DLG2: variants seen among roughly 807,000 people sequenced by gnomAD.
DLG2 encodes disks large homolog 2.
Under a neutral mutation model 132.5 loss-of-function variants are expected in DLG2, and 45 were observed. That is an observed-to-expected ratio of 0.34 (90% CI 0.27 to 0.44). DLG2 has a LOEUF of 0.44. Among genes scored for constraint, DLG2 ranks in the 20% least tolerant of loss-of-function variants. The probability of loss-of-function intolerance (pLI) is 1.00; values close to 1 mark genes in which losing one functional copy is unlikely to be tolerated. For synonymous variants in DLG2, 424 were observed against 419.6 expected (o/e 1.01, Z -0.13); for missense variants, 1,045 against 1,196.9 (o/e 0.87, Z 1.87).
intron 12 of DLG2, among the ~76,000 whole-genome samples, chr11:83,976,463 A>T (rs1402254711): frequency 6.6e-6 from 1 of 151,892 alleles, no homozygotes; most frequent in Admixed American, 6.6e-5. Flanking sequence ...AGAGTAGAAG[A>T]GGGGGAAGAT....
intron 6 of DLG2, among the ~76,000 whole-genome samples, chr11:84,629,443 T>C (rs1176218125): frequency 6.6e-6 from 1 of 152,200 alleles, no homozygotes; most frequent in African/African-American, 2.4e-5. Flanking sequence ...TAGCAGCATC[T>C]CCAAGCTCTT....
chr11:84,428,607 C>T (rs759077544), intron 7 of DLG2, among the ~76,000 whole-genome samples: 10 of 152,156 alleles, frequency 6.6e-5, no homozygotes, highest in Non-Finnish European at 1.5e-4. Flanking sequence ...CTGTCTCTTC[C>T]GCTTCTTACA....
intron 3 of DLG2, among the ~76,000 whole-genome samples, chr11:85,552,095 G>GAAAAAAAAAAA (rs764172663): frequency 4.7e-5 from 3 of 64,226 alleles, no homozygotes; most frequent in Non-Finnish European, 6.8e-5. Context: ...GGACTTAAAA[G>GAAAAAAAAAAA]AAAAAAAAAA....
intron 19 of DLG2, among the ~76,000 whole-genome samples, chr11:83,556,982 G>A (rs1157871337): frequency 6.7e-6 from 1 of 150,004 alleles, no homozygotes; most frequent in Non-Finnish European, 1.5e-5. Flanking sequence ...ATGAAGCCAT[G>A]ACTGTGTTTT....
intron 18 of DLG2, among the ~76,000 whole-genome samples, chr11:83,778,346 G>C (rs958628728): frequency 6.6e-6 from 1 of 152,060 alleles, no homozygotes; most frequent in African/African-American, 2.4e-5. Flanking sequence ...GAATCTAAGA[G>C]GTCTCCTTGT....
intron 7 of DLG2, among the ~76,000 whole-genome samples, chr11:84,256,787 T>C (rs1013164493): frequency 5.3e-5 from 8 of 152,176 alleles, no homozygotes; most frequent in African/African-American, 1.7e-4. Context: ...CACTGAAAGT[T>C]TGAAAATGAG....
chr11:84,454,967 T>A (rs1602424311), intron 7 of DLG2, among the ~76,000 whole-genome samples: 1 of 151,542 alleles, frequency 6.6e-6, no homozygotes, highest in African/African-American at 2.4e-5. Context: ...ACTTGAAATA[T>A]GTGCAATTTT....
intron 3 of DLG2, among the ~76,000 whole-genome samples, chr11:85,307,297 T>C (rs563709563): frequency 1.1e-4 from 17 of 151,730 alleles, no homozygotes; most frequent in Admixed American, 9.2e-4. Flanking sequence ...AATAGAAGAC[T>C]CAAGACAAGT....
intron 8 of DLG2, among the ~76,000 whole-genome samples, chr11:84,187,917 G>C (rs2096313451): frequency 6.6e-6 from 1 of 152,102 alleles, no homozygotes; most frequent in African/African-American, 2.4e-5. Flanking sequence ...TATTCTTTTG[G>C]AGAGAGCTGT....
intron 18 of DLG2, among the ~76,000 whole-genome samples, chr11:83,679,093 G>A (rs994323055): frequency 6.6e-5 from 10 of 152,130 alleles, no homozygotes; most frequent in African/African-American, 9.7e-5. Context: ...GTTGGTCATC[G>A]TGTGGATCCT....
At chr11:84,378,639 T>C (rs1003979103) in intron 7 of DLG2, among the ~76,000 whole-genome samples, 1 of 151,768 alleles carries the variant, frequency 6.6e-6, no homozygotes, top group African/African-American at 2.4e-5. Context: ...ACCACCAATA[T>C]AAGAGTTCAG....
At chr11:85,268,930 G>A (rs1274309537) in intron 4 of DLG2, among the ~76,000 whole-genome samples, 1 of 152,166 alleles carries the variant, frequency 6.6e-6, no homozygotes, top group Admixed American at 6.5e-5. Context: ...AGAATTTTAA[G>A]GAAGTATATG....
At chr11:84,749,142 T>G (rs1387188902) in intron 6 of DLG2, among the ~76,000 whole-genome samples, 1 of 152,196 alleles carries the variant, frequency 6.6e-6, no homozygotes, top group Non-Finnish European at 1.5e-5. Flanking sequence ...ACTAGAATTT[T>G]TTTGGTCTTT....
At chr11:83,589,229 G>A (rs1050262099) in intron 19 of DLG2, among the ~76,000 whole-genome samples, 4 of 151,824 alleles carry the variant, frequency 2.6e-5, no homozygotes, top group African/African-American at 9.7e-5. Flanking sequence ...AATGTTAAGG[G>A]CAGCCAGAGA....
At chr11:84,720,568 T>G in intron 6 of DLG2, 2 of 780,874 alleles carry the variant, frequency 2.6e-6, no homozygotes, top group Non-Finnish European at 1.6e-6. Flanking sequence ...GTACCGAGCC[T>G]CTCGGGGTCT....
intron 12 of DLG2, among the ~76,000 whole-genome samples, chr11:83,966,353 C>T (rs998443464): frequency 6.6e-5 from 10 of 151,928 alleles, no homozygotes; most frequent in Admixed American, 1.3e-4. Context: ...ATTCAGAACA[C>T]GTCTTTTCAG....
chr11:84,118,789 C>T (rs563229793), intron 9 of DLG2, among the ~76,000 whole-genome samples: 1 of 152,252 alleles, frequency 6.6e-6, no homozygotes, highest in East Asian at 1.9e-4. Flanking sequence ...AGATATTTTC[C>T]AGTCACTTCT....
chr11:85,082,434 A>G (rs2067353887), intron 6 of DLG2, among the ~76,000 whole-genome samples: 1 of 152,110 alleles, frequency 6.6e-6, no homozygotes, highest in African/African-American at 2.4e-5. Flanking sequence ...CCCAAAGCCA[A>G]CAAGGTTGGG....
chr11:83,980,447 T>C (rs1057171016), intron 12 of DLG2, 59 bp downstream of exon 12: 2 of 1,556,890 alleles, frequency 1.3e-6, no homozygotes, highest in Non-Finnish European at 1.7e-6. Context: ...AAGACAGTCA[T>C]ACACTGGAAA....
Sources: allele counts gnomAD v4.1 joint callset (sites outside exome capture counted in the v4.1 genomes callset), GRCh38; gene constraint gnomAD v4.1.1; transcripts MANE v1.5; gene names NCBI Gene and HGNC (gene_info 2026-07-23, HGNC 2026-07-21).